The following MCC variants were observed in gnomAD, a reference collection of about 807,000 sequenced individuals.
The protein encoded by MCC is MCC regulator of Wnt signaling pathway, also known as colorectal mutant cancer protein.
MCC carries 90 observed loss-of-function variants against 116.2 expected under a neutral mutation model. The ratio of observed to expected loss-of-function variants is 0.77; its 90% CI spans 0.65 to 0.92. MCC has a LOEUF of 0.92. MCC is among the 40% of genes least tolerant of loss of function. The pLI is 0.00. For synonymous variants in MCC, 578 were observed against 510.5 expected, an observed-to-expected ratio of 1.13 and a Z score of -1.78; for missense variants, 1,516 against 1,312.2, an observed-to-expected ratio of 1.16 and a Z score of -2.40.
intron 3 of MCC, among the ~76,000 whole-genome samples, chr5:113,259,683 C>T (rs1378933834): frequency 6.6e-6 from 1 of 152,028 alleles, no homozygotes; most frequent in Non-Finnish European, 1.5e-5. Flanking sequence ...ATTCGAACTC[C>T]TAGAACATGT....
At chr5:113,036,343 A>G (rs1751332013) in intron 17 of MCC, among the ~76,000 whole-genome samples, 1 of 152,056 alleles carries the variant, frequency 6.6e-6, no homozygotes, top group Non-Finnish European at 1.5e-5. Flanking sequence ...TGGCCTATAG[A>G]TGAGGAACTT....
intron 3 of MCC, among the ~76,000 whole-genome samples, chr5:113,152,976 G>T (rs1759967959): frequency 6.6e-6 from 1 of 152,136 alleles, no homozygotes; most frequent in African/African-American, 2.4e-5. Flanking sequence ...ATACCACAGT[G>T]TTCCCGTTGT....
chr5:113,058,697 G>T (rs1753003821), intron 14 of MCC, among the ~76,000 whole-genome samples: 1 of 152,160 alleles, frequency 6.6e-6, no homozygotes, highest in Admixed American at 6.5e-5. Context: ...TTGCTTTATG[G>T]CCCAGAGTAA....
At position 113,385,125 on chromosome 5, in the gene MCC, C is replaced by T; in HGVS notation, c.258G>A (p.Gly86=). 1 of 1,614,196 alleles carries T rather than the reference C, an allele frequency of 6.2e-7. No individual in the cohort carries two copies. The highest frequency in any genetic ancestry group is 8.5e-7 in the Non-Finnish European group (1 of 1,180,046). Residue 86 remains glycine, a synonymous_variant, in exon 2 of 19, where the codon GGG becomes GGA. Transcript: ENST00000408903. ...TTGTGAAATCCTGAAAGGAAATCTT[C>T]CCATTTTCATCTGCTCCCAACTGGT... is the stretch of plus-strand genomic sequence containing the variant. ...IMNQLGADEN[G]KISFQDFTRC... is the part of the protein sequence containing the mutation.
chr5:113,361,079 C>G (rs1201129446), intron 2 of MCC, among the ~76,000 whole-genome samples: 1 of 152,190 alleles, frequency 6.6e-6, no homozygotes, highest in African/African-American at 2.4e-5. Flanking sequence ...CAAACCTCAA[C>G]CAGCAGAGCC....
intron 17 of MCC, among the ~76,000 whole-genome samples, chr5:113,031,600 G>C (rs992963592): frequency 2.0e-5 from 3 of 152,096 alleles, no homozygotes; most frequent in Non-Finnish European, 4.4e-5. Context: ...AAATACTGAA[G>C]AGTTAAAAAT....
chr5:113,033,759 G>A (rs543634970), intron 17 of MCC, among the ~76,000 whole-genome samples: 47 of 152,142 alleles, frequency 3.1e-4, no homozygotes, highest in Non-Finnish European at 6.3e-4. Context: ...AACAATGCTG[G>A]ATTGTAATGA....
chr5:113,346,349 GC>G (rs1768132541), intron 2 of MCC, among the ~76,000 whole-genome samples: 1 of 152,178 alleles, frequency 6.6e-6, no homozygotes, highest in South Asian at 2.1e-4. Flanking sequence ...TGTAATCCCA[GC>G]ACTTTGGGAG....
Position 113,122,770 on chromosome 5 carries a change from A to G in MCC, c.941T>C (p.Val314Ala). 6.2e-7 allele frequency: 1 copy of G among 1,614,060 alleles called. No homozygotes were observed. Among genetic ancestry groups the G allele is most frequent in the Non-Finnish European group, 8.5e-7 (1 of 1,179,984 alleles). The change falls in exon 6 of 19, where the codon GTC becomes GCC. Residue 314 changes from valine (V) to alanine (A), a missense_variant. By Grantham distance (64) the Val-to-Ala change is moderately conservative. Coordinates refer to ENST00000408903, the MANE Select transcript of MCC (RefSeq NM_001085377.2). ...RSELSQSQHE[V>A]NEDSRSMDQD... The stretch of plus-strand genomic sequence containing the variant: ...GTCCATGCTTCGAGAGTCCTCGTTG[A>G]CCTCGTGTTGGCTCTGGCTGAGTTC...
chr5:113,393,816 G>T (rs919164300), intron 1 of MCC, among the ~76,000 whole-genome samples: 1 of 152,058 alleles, frequency 6.6e-6, no homozygotes, highest in African/African-American at 2.4e-5. Flanking sequence ...TCTTCCTTCA[G>T]TCTGTTAAAC....
At chr5:113,421,978 T>C (rs1770349152) in intron 1 of MCC, among the ~76,000 whole-genome samples, 1 of 152,186 alleles carries the variant, frequency 6.6e-6, no homozygotes. Flanking sequence ...ATATAAATGT[T>C]TTTGCCACTT....
intron 2 of MCC, among the ~76,000 whole-genome samples, chr5:113,350,898 AAAG>A (rs1319876610): frequency 6.6e-6 from 1 of 152,140 alleles, no homozygotes; most frequent in East Asian, 1.9e-4. Context: ...AGATTTCTTA[AAAG>A]AAGACATAAA....
At chr5:113,304,433 G>T (rs1257509150) in intron 3 of MCC, among the ~76,000 whole-genome samples, 3 of 152,168 alleles carry the variant, frequency 2.0e-5, no homozygotes, top group Non-Finnish European at 4.4e-5. Flanking sequence ...TGTCTCATTA[G>T]TTACATTTAC....
intron 1 of MCC, among the ~76,000 whole-genome samples, chr5:113,399,728 C>G (rs1404733744): frequency 6.6e-6 from 1 of 151,972 alleles, no homozygotes; most frequent in African/African-American, 2.4e-5. Context: ...AATCACCATC[C>G]CCTTATGAAA....
chr5:113,038,710 C>G (rs776807589), intron 17 of MCC, among the ~76,000 whole-genome samples: 1 of 151,874 alleles, frequency 6.6e-6, no homozygotes, highest in African/African-American at 2.4e-5. Flanking sequence ...ACTGACCAGA[C>G]AAGGCCCTCC....
intron 5 of MCC, among the ~76,000 whole-genome samples, chr5:113,132,565 C>T (rs1269825384): frequency 6.6e-6 from 1 of 151,828 alleles, no homozygotes; most frequent in African/African-American, 2.4e-5. Context: ...ATATTTATAA[C>T]TTCCCTCCAC....
intron 3 of MCC, among the ~76,000 whole-genome samples, chr5:113,195,585 C>T (rs920791701): frequency 6.6e-6 from 1 of 152,138 alleles, no homozygotes; most frequent in Non-Finnish European, 1.5e-5. Flanking sequence ...CAAACTGACA[C>T]AGCCATGGGC....
At chr5:113,138,392 T>G (rs1276827248) in intron 5 of MCC, among the ~76,000 whole-genome samples, 1 of 152,156 alleles carries the variant, frequency 6.6e-6, no homozygotes, top group East Asian at 1.9e-4. Context: ...TAATTAGGTT[T>G]AGATGAGGTC....
intron 1 of MCC, among the ~76,000 whole-genome samples, chr5:113,444,518 C>A (rs1465344947): frequency 6.6e-6 from 1 of 152,162 alleles, no homozygotes; most frequent in African/African-American, 2.4e-5. Flanking sequence ...CTATATATAT[C>A]CACATGTCTA....
Sources: gnomAD v4.1 joint callset for allele counts (sites outside exome capture counted in the v4.1 genomes callset) on GRCh38, gnomAD v4.1.1 for gene constraint, MANE v1.5 for transcripts, NCBI Gene and HGNC (gene_info 2026-07-23, HGNC 2026-07-21) for gene names.